The following ADAM28 variants were observed in gnomAD, a reference collection of about 807,000 sequenced individuals.
ADAM28 encodes the protein ADAM metallopeptidase domain 28.
In ADAM28, 105 loss-of-function variants were observed where a neutral mutation model predicts 101.2. That is an observed-to-expected ratio of 1.04 (90% CI 0.89 to 1.22). The LOEUF is 1.22. ADAM28 is among the 50% of genes most tolerant of loss of function. The probability of loss-of-function intolerance (pLI) is 0.00; values close to 1 mark genes in which losing one functional copy is unlikely to be tolerated. For missense variants in ADAM28, 1,028 were observed against 945.4 expected (o/e 1.09, Z -1.15); for synonymous variants, 322 against 310.6 (o/e 1.04, Z -0.39).
At chr8:24,321,594 C>A (rs1305185688) in intron 8 of ADAM28, 6 of 385,926 alleles carry the variant, frequency 1.6e-5, no homozygotes, top group Non-Finnish European at 2.9e-5. Context: ...CAAATCCCAA[C>A]AGAAAGCTGG....
intron 1 of ADAM28, among the ~76,000 whole-genome samples, 179 bp downstream of exon 1, chr8:24,294,374 G>C (rs1301066581): frequency 6.6e-6 from 1 of 152,178 alleles, no homozygotes; most frequent in African/African-American, 2.4e-5. Context: ...GTGATACAAA[G>C]ACAATGTTAA....
rs528941328 is a variant in ADAM28, at chr8:24,324,699, G to T, written c.890+696G>T. Among the ~76,000 whole-genome samples, 7 of 152,062 alleles carry T rather than the reference G, an allele frequency of 4.6e-5. No individual in the cohort carries two copies. The South Asian group carries it at 1.4e-3, about 31-fold the overall frequency. On this transcript the variant is annotated intron_variant, in intron 9 of 22. Coordinates refer to ENST00000265769, the MANE Select transcript of ADAM28 (RefSeq NM_014265.6). The stretch of plus-strand genomic sequence containing the variant: ...CTTGAATTTCTGGGCTTGAAATAAG[G>T]CTTCTTCACTTACATAATTGGTGTG...
At chr8:24,347,314 A>G (rs146787179) in intron 18 of ADAM28, among the ~76,000 whole-genome samples, 4 of 152,204 alleles carry the variant, frequency 2.6e-5, no homozygotes, top group Non-Finnish European at 4.4e-5. Flanking sequence ...GTTTACTCTT[A>G]TTTTATACTC....
At position 24,356,248 on chromosome 8, in the gene ADAM28, G is replaced by C. The variant is rs4404928; in HGVS notation, c.*1844G>C. Reference sequence around the variant, plus strand: ...TTTCCTGGAAAGCCATTATGTACTCGTGACCAACTTGTGAACTTTTCTGTG... The same window carrying C: ...TTTCCTGGAAAGCCATTATGTACTCCTGACCAACTTGTGAACTTTTCTGTG... On this transcript the variant is annotated 3_prime_UTR_variant, in exon 23 of 23. Transcript: ENST00000265769. 0.93 allele frequency: 141,614 copies of C among 152,242 alleles called. 65,908 individuals are homozygous for C. The highest frequency in any genetic ancestry group is 0.94 in the Non-Finnish European group (63,812 of 68,036). The allele number at this position is 152,242 out of a possible 1,614,324, so 9.4% of individuals were successfully genotyped here. A position where few individuals can be genotyped will look rare whatever the true frequency, so the allele number is the denominator to read the frequency against.
chr8:24,350,234 A>AT (rs765232145), intron 19 of ADAM28, among the ~76,000 whole-genome samples: 35 of 152,190 alleles, frequency 2.3e-4, no homozygotes, highest in Middle Eastern at 3.4e-3. Context: ...ATTATGACAG[A>AT]TTTTTTGAAT....
intron 15 of ADAM28, among the ~76,000 whole-genome samples, chr8:24,339,987 G>C (rs1814567528): frequency 6.6e-6 from 1 of 152,158 alleles, no homozygotes; most frequent in Admixed American, 6.5e-5. Flanking sequence ...AACAGATGCA[G>C]TGCTTGAACA....
rs546253038 is a variant in ADAM28, at chr8:24,320,431, GTTC to G, written c.648+129_648+131del. ...TCATGAATATGAGCTATGGTTACATGTTCTTCTAAAACTATGAAATTTGACATT... is the reference window on the plus strand; with the variant it reads ...TCATGAATATGAGCTATGGTTACATGTTCTAAAACTATGAAATTTGACATT... On this transcript the variant is annotated intron_variant, in intron 7 of 22. Coordinates refer to ENST00000265769, the MANE Select transcript of ADAM28 (RefSeq NM_014265.6). The G allele has an allele frequency of 4.8e-4, 331 of 684,732 alleles. No individual in the cohort carries two copies. In the African/African-American group the frequency reaches 5.7e-3, roughly 12 times the overall value. 42.4% of individuals were successfully genotyped at this position (684,732 alleles called of 1,614,324 possible). A position where few individuals can be genotyped will look rare whatever the true frequency, so the allele number is the denominator to read the frequency against.
intron 16 of ADAM28, among the ~76,000 whole-genome samples, chr8:24,342,191 A>G (rs1360235499): frequency 6.6e-6 from 1 of 152,200 alleles, no homozygotes; most frequent in Non-Finnish European, 1.5e-5. Flanking sequence ...AGTACTGTTT[A>G]GCCAGGGCCA....
intron 1 of ADAM28, among the ~76,000 whole-genome samples, chr8:24,299,667 C>A (rs755234073): frequency 6.6e-6 from 1 of 152,200 alleles, no homozygotes; most frequent in Non-Finnish European, 1.5e-5. Flanking sequence ...TATTTCCCTG[C>A]ACTGCAGGAT....
intron 9 of ADAM28, among the ~76,000 whole-genome samples, 155 bp downstream of exon 9, chr8:24,324,158 A>AT (rs752567900): frequency 6.3e-4 from 96 of 151,782 alleles, no homozygotes; most frequent in Non-Finnish European, 1.1e-3. Flanking sequence ...GGATCCAAGT[A>AT]TTTTTTTTAA....
At chr8:24,305,179 G>A (rs1809403705) in intron 2 of ADAM28, among the ~76,000 whole-genome samples, 1 of 151,292 alleles carries the variant, frequency 6.6e-6, no homozygotes, top group Non-Finnish European at 1.5e-5. Context: ...CCATTTAGGG[G>A]ACTCTATATT....
At chr8:24,321,458 A>G in intron 8 of ADAM28, 169 bp downstream of exon 8, 1 of 668,864 alleles carries the variant, frequency 1.5e-6, no homozygotes, top group East Asian at 2.8e-5. Flanking sequence ...GGTGAACATG[A>G]ATATTAATAC....
chr8:24,312,469 G>A (rs761212659), intron 5 of ADAM28, among the ~76,000 whole-genome samples: 65 of 151,954 alleles, frequency 4.3e-4, no homozygotes, highest in African/African-American at 1.3e-3. Flanking sequence ...TCTCTACTAC[G>A]ATATCCTAGT....
At chr8:24,298,673 C>G (rs774621339) in intron 1 of ADAM28, among the ~76,000 whole-genome samples, 37 of 152,210 alleles carry the variant, frequency 2.4e-4, no homozygotes, top group Non-Finnish European at 4.1e-4. Context: ...AGTCCTTACT[C>G]AGAGAAGAGA....
At chr8:24,351,546 T>A (rs1816140874) in intron 20 of ADAM28, 1 of 569,040 alleles carries the variant, frequency 1.8e-6, no homozygotes, top group South Asian at 1.9e-5. Flanking sequence ...ACATACCGGA[T>A]GTCTGTCTGT....
chr8:24,341,294 C>T (rs1814728873), intron 15 of ADAM28: 2 of 250,322 alleles, frequency 8.0e-6, no homozygotes, highest in Admixed American at 5.6e-5. Context: ...AAGATAATTC[C>T]TCATTTAAGG....
intron 2 of ADAM28, among the ~76,000 whole-genome samples, chr8:24,302,779 A>T (rs972385940): frequency 6.6e-5 from 10 of 151,198 alleles, no homozygotes; most frequent in East Asian, 1.9e-4. Context: ...ACTTTTTTTT[A>T]AAAATTATAC....
At chr8:24,326,683 T>C (rs2129297757) in intron 10 of ADAM28, 48 bp downstream of exon 10, 1 of 1,552,814 alleles carries the variant, frequency 6.4e-7, no homozygotes, top group Non-Finnish European at 8.8e-7. Context: ...ATTTATCAAA[T>C]GCTTTTTAAA....
At position 24,341,616 on chromosome 8, in the gene ADAM28, G is replaced by A; in HGVS notation, c.1689G>A (p.Lys563=). The change falls in exon 16 of 23, where the codon AAG becomes AAA. Residue 563 remains lysine, a synonymous_variant. Transcript: ENST00000265769. ...TCCTCAGTGATACCATGTGTGGGAA[G>A]TTGTTCTGTCAAGGTGGGTCGGATA... ...PCKANDTMCG[K]LFCQGGSDNL... The A allele has an allele frequency of 1.2e-6, 2 of 1,613,406 alleles. No individual in the cohort carries two copies. The highest frequency in any genetic ancestry group is 2.7e-5 in the African/African-American group (2 of 74,988).
Sources: gnomAD v4.1 joint callset for allele counts (sites outside exome capture counted in the v4.1 genomes callset) on GRCh38, gnomAD v4.1.1 for gene constraint, MANE v1.5 for transcripts, NCBI Gene and HGNC (gene_info 2026-07-23, HGNC 2026-07-21) for gene names.